CD33: variants seen among roughly 807,000 people sequenced by gnomAD.
CD33 encodes myeloid cell surface antigen CD33.
A neutral mutation model predicts 31.4 loss-of-function variants in CD33; 25 were observed. That is an observed-to-expected ratio of 0.80 (90% confidence interval 0.58 to 1.11). The LOEUF (loss-of-function observed/expected upper bound fraction) is 1.11. Ranked by LOEUF, CD33 falls within the 50% of genes most tolerant of loss-of-function variation. CD33 has a pLI of 0.00. For missense variants in CD33, 407 were observed against 448.1 expected (o/e 0.91, Z 0.83); for synonymous variants, 176 against 180.6 (o/e 0.97, Z 0.20).
chr19:51,218,639 A>G, the CD33 span, among the ~76,000 whole-genome samples: 1 of 152,132 alleles, frequency 6.6e-6, no homozygotes, highest in Non-Finnish European at 1.5e-5. Context: ...GGTTTTCTTC[A>G]GTATTTCTAT....
chr19:51,213,702 AT>A, the CD33 span, among the ~76,000 whole-genome samples: 84 of 137,558 alleles, frequency 6.1e-4, no homozygotes, highest in Non-Finnish European at 6.6e-4. Context: ...ATGCCTGGCT[AT>A]TTTTTTTTTT....
chr19:51,219,165 T>C, the CD33 span, among the ~76,000 whole-genome samples: 1 of 152,194 alleles, frequency 6.6e-6, no homozygotes, highest in Non-Finnish European at 1.5e-5. Context: ...CACGGGATGC[T>C]CCATTTTTCC....
intron 4 of CD33, among the ~76,000 whole-genome samples, chr19:51,234,606 C>T (rs1981646954): frequency 6.6e-6 from 1 of 152,128 alleles, no homozygotes; most frequent in Admixed American, 6.5e-5. Flanking sequence ...AACAATGATG[C>T]TCAGAGACAC....
chr19:51,214,739 C>A, the CD33 span, among the ~76,000 whole-genome samples: 152 of 152,230 alleles, frequency 1.0e-3, 2 homozygotes, highest in East Asian at 0.026. Flanking sequence ...TAGACCCTTA[C>A]CAAATCCATG....
intron 2 of CD33, 49 bp from the exon 3 acceptor site, chr19:51,225,754 C>A: frequency 6.3e-7 from 1 of 1,584,696 alleles, no homozygotes; most frequent in Non-Finnish European, 8.6e-7. Flanking sequence ...CTCAGGCCCT[C>A]ACCTGGACCC....
At chr19:51,213,067 C>A in the CD33 span, among the ~76,000 whole-genome samples, 1 of 152,132 alleles carries the variant, frequency 6.6e-6, no homozygotes, top group Non-Finnish European at 1.5e-5. Context: ...CTAGCTTAGA[C>A]GTTCTTTTTA....
At position 51,225,656 on chromosome 19, in the gene CD33, G is replaced by T. The variant is rs959693520; in HGVS notation, c.418+58G>T. ...GAAGTTCATGGGTACTGCAGGGCAG[G>T]GCTGGGATGGGACCCTGGTACTGGG... On this transcript the variant is annotated intron_variant, in intron 2 of 6. Transcript: ENST00000262262. 4 of 1,534,666 alleles carry T rather than the reference G, an allele frequency of 2.6e-6. No individual in the cohort carries two copies. In the African/African-American group the frequency reaches 5.5e-5, roughly 21 times the overall value.
the CD33 span, among the ~76,000 whole-genome samples, chr19:51,212,776 G>A: frequency 6.6e-6 from 1 of 152,198 alleles, no homozygotes; most frequent in Non-Finnish European, 1.5e-5. Flanking sequence ...CTCCTCCCCA[G>A]AATTGACCAG....
chr19:51,228,359 T>G (rs1443271078), intron 4 of CD33, among the ~76,000 whole-genome samples: 1 of 152,226 alleles, frequency 6.6e-6, no homozygotes, highest in South Asian at 2.1e-4. Flanking sequence ...GGTAGTATAA[T>G]CATTTTAGCA....
the CD33 span, among the ~76,000 whole-genome samples, chr19:51,214,307 C>T: frequency 6.6e-6 from 1 of 151,040 alleles, no homozygotes; most frequent in South Asian, 2.1e-4. Flanking sequence ...AAGCGATTCT[C>T]CTGCCTCAGC....
chr19:51,212,209 G>A, the CD33 span: 1 of 349,676 alleles, frequency 2.9e-6, no homozygotes, highest in South Asian at 2.5e-5. Flanking sequence ...CACAAGCCCT[G>A]TCTCTCTACA....
At chr19:51,230,273 G>C (rs1367784921) in intron 4 of CD33, among the ~76,000 whole-genome samples, 1 of 151,758 alleles carries the variant, frequency 6.6e-6, no homozygotes, top group Non-Finnish European at 1.5e-5. Context: ...CACTTGTTTT[G>C]TGTTCTAACA....
At chr19:51,227,478 G>C (rs1026853004) in intron 4 of CD33, among the ~76,000 whole-genome samples, 1 of 152,120 alleles carries the variant, frequency 6.6e-6, no homozygotes, top group East Asian at 1.9e-4. Flanking sequence ...TGGTGACGTT[G>C]AGCATTTTTC....
chr19:51,215,542 T>C, the CD33 span, among the ~76,000 whole-genome samples: 1 of 152,190 alleles, frequency 6.6e-6, no homozygotes, highest in Admixed American at 6.5e-5. Context: ...AACACTGCCA[T>C]GGGCTAATCT....
At chr19:51,236,004 A>C in intron 6 of CD33, 1 of 593,300 alleles carries the variant, frequency 1.7e-6, no homozygotes, top group South Asian at 1.8e-5. Flanking sequence ...TAAAAATACA[A>C]AAAATTAGCC....
intron 4 of CD33, among the ~76,000 whole-genome samples, chr19:51,229,488 G>C (rs941578621): frequency 7.9e-5 from 12 of 151,978 alleles, no homozygotes; most frequent in Non-Finnish European, 1.5e-4. Context: ...TTTCTTTAAA[G>C]GTTCAGTAAA....
Position 51,235,636 on chromosome 19 carries a change from G to T in CD33, c.884G>T (p.Gly295Val), listed in dbSNP as rs769327558. 18 of 1,614,010 alleles carry T rather than the reference G, an allele frequency of 1.1e-5. No individual in the cohort carries two copies. Among genetic ancestry groups the T allele is most frequent in the Non-Finnish European group, 1.5e-5 (18 of 1,180,002 alleles). The stretch of plus-strand genomic sequence containing the variant: ...AGGAAAGCAGCCAGGACAGCAGTGG[G>T]CAGGAATGACACCCACCCTACCACA... ...HRRKAARTAVGRNDTHPTTGS... is the reference protein window; with the variant it reads ...HRRKAARTAVVRNDTHPTTGS... Residue 295 changes from glycine to valine, a missense_variant, in exon 6 of 7, where the codon GGC (glycine) becomes GTC (valine). By Grantham distance (109) the Gly-to-Val change is moderately radical (BLOSUM62 -3). Coordinates refer to ENST00000262262, the MANE Select transcript of CD33 (RefSeq NM_001772.4).
intron 4 of CD33, among the ~76,000 whole-genome samples, chr19:51,230,568 T>G (rs1170440717): frequency 6.6e-6 from 1 of 152,240 alleles, no homozygotes; most frequent in Non-Finnish European, 1.5e-5. Flanking sequence ...TATTTACAGT[T>G]GTTATATTAT....
chr19:51,238,121 T>A (rs987485300), intron 6 of CD33: 1 of 152,236 alleles, frequency 6.6e-6, no homozygotes, highest in Non-Finnish European at 1.5e-5. Flanking sequence ...CCCATAGATG[T>A]CATAGATGTC....
Sources: gnomAD v4.1 joint callset for allele counts (sites outside exome capture counted in the v4.1 genomes callset) on GRCh38, gnomAD v4.1.1 for gene constraint, MANE v1.5 for transcripts, NCBI Gene and HGNC (gene_info 2026-07-23, HGNC 2026-07-21) for gene names.